Variants in KCTD19 observed in about 807,000 individuals in gnomAD.
KCTD19 encodes potassium channel tetramerization domain containing 19.
A neutral mutation model predicts 103.5 loss-of-function variants in KCTD19; 67 were observed. The observed-to-expected ratio is 0.65, with a 90% CI of 0.53 to 0.79. KCTD19 has a LOEUF of 0.79. KCTD19 is among the 30% of genes least tolerant of loss of function. The pLI is 0.00. For synonymous variants in KCTD19, 439 were observed against 452.2 expected (o/e 0.97, Z 0.37); for missense variants, 980 against 1,136.1 (o/e 0.86, Z 1.98).
chr16:67,290,983 G>T lies in KCTD19; in HGVS notation c.2569C>A (p.Leu857Met), dbSNP rs200502378. 1 of 1,614,020 alleles carries T rather than the reference G, an allele frequency of 6.2e-7. No homozygotes were observed. ...VVSLANRLWT[L>M]HISPKQFVVD... ...ACAAACTGCTTGGGGCTGATGTGCA[G>T]GGTCTGCCAGGAGAGCCCACAGTCA... The change falls in exon 15 of 16, where the codon CTG (leucine) becomes ATG (methionine). Residue 857 changes from leucine (L) to methionine (M), a missense_variant. Coordinates refer to ENST00000304372, the MANE Select transcript of KCTD19 (RefSeq NM_001100915.3).
chr16:67,299,417 A>T lies in KCTD19; in HGVS notation c.932T>A (p.Leu311Gln). 1 of 1,614,256 alleles carries T rather than the reference A, an allele frequency of 6.2e-7. No individual in the cohort carries two copies. Among genetic ancestry groups the T allele is most frequent in the Non-Finnish European group, 8.5e-7 (1 of 1,180,046 alleles). The change falls in exon 6 of 16, where the codon CTA (leucine) becomes CAA (glutamine). Residue 311 changes from leucine to glutamine, a missense_variant. By Grantham distance (113) the Leu-to-Gln change is moderately radical. Coordinates refer to ENST00000304372, the MANE Select transcript of KCTD19 (RefSeq NM_001100915.3). ...ALGQLRIESTLDGSRLYITGN... is the reference protein window; with the variant it reads ...ALGQLRIESTQDGSRLYITGN... The stretch of plus-strand genomic sequence containing the variant: ...TGTGATGTACAGTCGGCTTCCGTCT[A>T]GCGTGCTCTCGATGCGAAGCTGGCC...
intron 2 of KCTD19, among the ~76,000 whole-genome samples, chr16:67,318,332 C>T (rs1009411309): frequency 5.5e-4 from 83 of 151,988 alleles, no homozygotes; most frequent in East Asian, 3.9e-4. Context: ...GAGGCCAAGG[C>T]GGGAGGATCG....
intron 2 of KCTD19, among the ~76,000 whole-genome samples, chr16:67,306,297 G>A (rs938557346): frequency 6.6e-6 from 1 of 152,128 alleles, no homozygotes; most frequent in East Asian, 1.9e-4. Flanking sequence ...TTAGAGTCTC[G>A]CTCTGTCACC....
chr16:67,303,093 G>T lies in KCTD19; in HGVS notation c.643+53C>A. 3.4e-6 allele frequency: 5 copies of T among 1,467,586 alleles called. No homozygotes were observed. Among genetic ancestry groups the T allele is most frequent in the Non-Finnish European group, 4.7e-6 (5 of 1,052,640 alleles). The allele number at this position is 1,467,586 out of a possible 1,614,324, so 90.9% of individuals were successfully genotyped here. A position where few individuals can be genotyped will look rare whatever the true frequency, so the allele number is the denominator to read the frequency against. ...TCTGTGGGACATGTGATGGGGAGGGGTGAATGGGCCCTATCAGCCCGCCCC... is the reference window on the plus strand; with the variant it reads ...TCTGTGGGACATGTGATGGGGAGGGTTGAATGGGCCCTATCAGCCCGCCCC... On this transcript the variant is annotated intron_variant, in intron 4 of 15. Coordinates refer to ENST00000304372, the MANE Select transcript of KCTD19 (RefSeq NM_001100915.3). The surrounding 1 kb of genome is among the most constrained non-coding windows in gnomAD (Gnocchi z 4.3).
intron 2 of KCTD19, chr16:67,305,485 C>A: frequency 2.6e-6 from 1 of 381,012 alleles, no homozygotes; most frequent in Non-Finnish European, 5.2e-6. Flanking sequence ...CAGAGCTTGT[C>A]AGCTTGAAGG....
chr16:67,305,722 G>T, intron 2 of KCTD19: 1 of 382,132 alleles, frequency 2.6e-6, no homozygotes, highest in South Asian at 1.9e-5. Flanking sequence ...ATATAGCAGG[G>T]CAAGTGGTAC....
In KCTD19 at chr16:67,291,647, T is replaced by A; in HGVS notation, c.2409A>T (p.Gln803His). 1 of 1,612,868 alleles carries A rather than the reference T, an allele frequency of 6.2e-7. No individual in the cohort carries two copies. The highest frequency in any genetic ancestry group is 1.1e-5 in the South Asian group (1 of 90,900). The stretch of plus-strand genomic sequence containing the variant: ...CTCGGCCTGGCTCCAGAGCCTCACC[T>A]TGGGGCTGGGGACTGGCTGTGGGTG... ...HTTPTASPQP[Q>H]EVTFLSFSLS... The change falls in exon 13 of 16, where the codon CAA becomes CAT. Residue 803 changes from glutamine to histidine, a missense_variant and splice_region_variant. Physicochemically the swap from Gln to His is conservative, Grantham distance 24 (BLOSUM62 0). Coordinates refer to ENST00000304372, the MANE Select transcript of KCTD19 (RefSeq NM_001100915.3).
intron 2 of KCTD19, 82 bp from the exon 3 acceptor site, chr16:67,304,653 C>A: frequency 1.6e-6 from 2 of 1,222,800 alleles, no homozygotes; most frequent in Non-Finnish European, 1.2e-6. Flanking sequence ...TCAGGAAAAA[C>A]AGTATGTGAC....
intron 1 of KCTD19, among the ~76,000 whole-genome samples, chr16:67,324,572 A>G (rs1161483527): frequency 3.9e-5 from 6 of 152,332 alleles, no homozygotes; most frequent in Admixed American, 2.6e-4. Flanking sequence ...AATTCTTTCA[A>G]TCTTTCTGTG....
Position 67,296,344 on chromosome 16 carries a change from C to T in KCTD19, c.1148-85G>A, listed in dbSNP as rs1408646706. On this transcript the variant is annotated intron_variant, in intron 7 of 15. Transcript: ENST00000304372. ...GCCCTTTGGTTAGTAGTGTATTTCA[C>T]GTTAAGTCTCAATATCTTTCCTCAG... 1.5e-5 allele frequency: 12 copies of T among 822,892 alleles called. No homozygotes were observed. The South Asian group carries it at 1.6e-4, about 11-fold the overall frequency. 51.0% of individuals were successfully genotyped at this position (822,892 alleles called of 1,614,324 possible).
chr16:67,308,162 T>C (rs2036912994), intron 2 of KCTD19, among the ~76,000 whole-genome samples: 2 of 148,628 alleles, frequency 1.3e-5, no homozygotes, highest in Admixed American at 6.7e-5. Flanking sequence ...TCCTTCCTTC[T>C]TTCTTTTCTT....
chr16:67,314,830 T>TATATATAG (rs1430877802), intron 2 of KCTD19, among the ~76,000 whole-genome samples: 6 of 33,650 alleles, frequency 1.8e-4, no homozygotes, highest in African/African-American at 1.3e-3. Context: ...TATATATATA[T>TATATATAG]AGAGAGAGAG....
In KCTD19 at chr16:67,306,351, C is replaced by T. The variant is rs528095946; in HGVS notation, c.301-1780G>A. On this transcript the variant is annotated intron_variant, in intron 2 of 15. Coordinates refer to ENST00000304372, the MANE Select transcript of KCTD19 (RefSeq NM_001100915.3). Reference sequence around the variant, plus strand: ...TGCAATCTCGGCTCACTGCAACCTCCGCCTCCTGGGTTCAAGTGATTCTCC... The same window carrying T: ...TGCAATCTCGGCTCACTGCAACCTCTGCCTCCTGGGTTCAAGTGATTCTCC... Among the ~76,000 whole-genome samples, 8 of 152,206 alleles carry T rather than the reference C, an allele frequency of 5.3e-5. No individual in the cohort carries two copies. The East Asian group carries it at 7.7e-4, about 15-fold the overall frequency.
At chr16:67,312,896 C>G (rs2036963598) in intron 2 of KCTD19, among the ~76,000 whole-genome samples, 1 of 152,164 alleles carries the variant, frequency 6.6e-6, no homozygotes, top group Admixed American at 6.5e-5. Flanking sequence ...TACTTCCTCC[C>G]TTGCTCTGCT....
At chr16:67,304,304 A>T in intron 3 of KCTD19, 117 bp downstream of exon 3, 1 of 1,016,388 alleles carries the variant, frequency 9.8e-7, no homozygotes, top group Non-Finnish European at 1.5e-6. Flanking sequence ...AGGAGATGAC[A>T]GAGACTGCCT....
intron 2 of KCTD19, among the ~76,000 whole-genome samples, chr16:67,319,092 G>A (rs192181710): frequency 3.0e-3 from 457 of 152,026 alleles, no homozygotes; most frequent in Non-Finnish European, 5.0e-3. Flanking sequence ...GAGTGGTGGC[G>A]GGTGCTTGTA....
chr16:67,313,584 C>T (rs916234884), intron 2 of KCTD19, among the ~76,000 whole-genome samples: 24 of 152,006 alleles, frequency 1.6e-4, no homozygotes, highest in African/African-American at 5.8e-4. Context: ...AAGCCAGCAG[C>T]CAATGATCTT....
chr16:67,318,701 G>T (rs1321076869), intron 2 of KCTD19, among the ~76,000 whole-genome samples: 1 of 151,722 alleles, frequency 6.6e-6, no homozygotes, highest in East Asian at 1.9e-4. Flanking sequence ...AAATTGCCTT[G>T]ATCTCTGATT....
chr16:67,289,497 T>C lies in KCTD19; in HGVS notation c.*72A>G. 1 of 855,502 alleles carries C rather than the reference T, an allele frequency of 1.2e-6. No homozygotes were observed. Among genetic ancestry groups the C allele is most frequent in the Non-Finnish European group, 2.0e-6 (1 of 499,988 alleles). 53.0% of individuals were successfully genotyped at this position (855,502 alleles called of 1,614,324 possible). ...TGATATGTACCCTCTGATGGGCACATGCATTCTGGGCTATCTCCAATTAAA... is the reference window on the plus strand; with the variant it reads ...TGATATGTACCCTCTGATGGGCACACGCATTCTGGGCTATCTCCAATTAAA... On this transcript the variant is annotated 3_prime_UTR_variant, in exon 16 of 16. Coordinates refer to ENST00000304372, the MANE Select transcript of KCTD19 (RefSeq NM_001100915.3).
Sources: allele counts gnomAD v4.1 joint callset (sites outside exome capture counted in the v4.1 genomes callset), GRCh38; gene constraint gnomAD v4.1.1; non-coding constraint Gnocchi (gnomAD v3.1); transcripts MANE v1.5; gene names NCBI Gene and HGNC (gene_info 2026-07-23, HGNC 2026-07-21).